Variants in GADL1 observed in about 807,000 individuals in gnomAD.
The protein encoded by GADL1 is acidic amino acid decarboxylase GADL1.
Under a neutral mutation model 69.5 loss-of-function variants are expected in GADL1, and 71 were observed. The observed-to-expected ratio is 1.02, with a 90% CI of 0.84 to 1.25. GADL1 has a LOEUF of 1.25. Ranked by LOEUF, GADL1 falls within the 50% of genes most tolerant of loss-of-function variation. The pLI is 0.00. For synonymous variants in GADL1, 254 were observed against 214.4 expected (o/e 1.18, Z -1.62); for missense variants, 737 against 631.8 (o/e 1.17, Z -1.79).
At chr3:30,884,222 T>C (rs893633516) in intron 1 of GADL1, among the ~76,000 whole-genome samples, 1 of 152,002 alleles carries the variant, frequency 6.6e-6, no homozygotes, top group African/African-American at 2.4e-5. Context: ...AGTAGAATAT[T>C]TGAACCGCAT....
At chr3:30,802,650 TTAATG>T (rs1697186580) in intron 11 of GADL1, among the ~76,000 whole-genome samples, 1 of 152,232 alleles carries the variant, frequency 6.6e-6, no homozygotes, top group African/African-American at 2.4e-5. Flanking sequence ...GTTTGCTGAC[TTAATG>T]TAAGCAACAT....
At chr3:30,836,518 A>G (rs984289618) in intron 9 of GADL1, among the ~76,000 whole-genome samples, 1 of 152,056 alleles carries the variant, frequency 6.6e-6, no homozygotes, top group African/African-American at 2.4e-5. Flanking sequence ...TTGGCTTTCC[A>G]TCTCAATAAA....
intron 12 of GADL1, among the ~76,000 whole-genome samples, chr3:30,794,943 A>T (rs183145157): frequency 4.9e-4 from 74 of 152,300 alleles, no homozygotes; most frequent in Admixed American, 9.8e-4. Context: ...TTCCTGTATC[A>T]TTATCAAAGG....
intron 14 of GADL1, among the ~76,000 whole-genome samples, chr3:30,749,780 G>C (rs1370867854): frequency 6.6e-6 from 1 of 152,142 alleles, no homozygotes; most frequent in Non-Finnish European, 1.5e-5. Context: ...CAGCTGACAC[G>C]AGCTCCCGAG....
chr3:30,842,812 TTGGAA>T (rs1697989389), intron 8 of GADL1, among the ~76,000 whole-genome samples: 2 of 115,768 alleles, frequency 1.7e-5, no homozygotes, highest in African/African-American at 6.3e-5. Context: ...TCACTTGTCA[TTGGAA>T]TGTTTAAAAA....
intron 12 of GADL1, among the ~76,000 whole-genome samples, chr3:30,792,610 C>T (rs1575207663): frequency 6.6e-6 from 1 of 152,166 alleles, no homozygotes; most frequent in Non-Finnish European, 1.5e-5. Flanking sequence ...TTCATAAGGC[C>T]ATTTGTCAAG....
intron 11 of GADL1, among the ~76,000 whole-genome samples, chr3:30,805,957 C>T (rs1031347393): frequency 6.6e-6 from 1 of 151,966 alleles, no homozygotes; most frequent in African/African-American, 2.4e-5. Flanking sequence ...CAAGACTGAT[C>T]TTGCGGGAGG....
chr3:30,770,045 G>T (rs771128694), intron 14 of GADL1, among the ~76,000 whole-genome samples: 1 of 116,672 alleles, frequency 8.6e-6, no homozygotes, highest in African/African-American at 3.7e-5. Context: ...AATAAGACCC[G>T]GCAACCCTGG....
intron 1 of GADL1, among the ~76,000 whole-genome samples, chr3:30,866,146 A>T (rs11129426): frequency 0.16 from 23,814 of 150,516 alleles, 2,458 homozygotes; most frequent in East Asian, 0.51. Flanking sequence ...AGTAGTAAAT[A>T]ACAACAATAT....
chr3:30,863,786 A>G (rs1438054988), intron 1 of GADL1, among the ~76,000 whole-genome samples: 1 of 147,298 alleles, frequency 6.8e-6, no homozygotes, highest in African/African-American at 2.5e-5. Flanking sequence ...ATTAACATTT[A>G]TCATTTCTTA....
chr3:30,884,044 C>T (rs996194062), intron 1 of GADL1, among the ~76,000 whole-genome samples: 1 of 151,838 alleles, frequency 6.6e-6, no homozygotes, highest in Non-Finnish European at 1.5e-5. Context: ...CAAATGCTTC[C>T]ACGTCTTAGT....
chr3:30,876,245 C>CT (rs1444107996), intron 1 of GADL1, among the ~76,000 whole-genome samples: 1 of 152,016 alleles, frequency 6.6e-6, no homozygotes, highest in African/African-American at 2.4e-5. Context: ...GGCTACACAG[C>CT]TAGAAGGTAT....
intron 1 of GADL1, among the ~76,000 whole-genome samples, chr3:30,874,856 A>G (rs908268781): frequency 2.0e-5 from 3 of 151,916 alleles, no homozygotes; most frequent in African/African-American, 7.2e-5. Flanking sequence ...TCAGCTGTCT[A>G]TAGTTGTACC....
rs375205087 is a variant in GADL1, at chr3:30,870,712, G to A, written c.38-8947C>T. ...AACTTTGGTCTGGATGGTGGCAGACGAGATGGAGCAAAGTGCTGCAACTTG... is the reference window on the plus strand; with the variant it reads ...AACTTTGGTCTGGATGGTGGCAGACAAGATGGAGCAAAGTGCTGCAACTTG... On this transcript the variant is annotated intron_variant, in intron 1 of 14. Coordinates refer to ENST00000282538, the MANE Select transcript of GADL1 (RefSeq NM_207359.3). Among the ~76,000 whole-genome samples, 195 of 151,788 alleles carry A rather than the reference G, an allele frequency of 1.3e-3. 2 individuals carry two copies. The highest frequency in any genetic ancestry group is 4.6e-3 in the African/African-American group (188 of 41,314).
chr3:30,894,379 T>C (rs1027512208), intron 1 of GADL1, among the ~76,000 whole-genome samples, 199 bp downstream of exon 1: 1 of 152,228 alleles, frequency 6.6e-6, no homozygotes, highest in Non-Finnish European at 1.5e-5. Context: ...TTTATAAAAG[T>C]TAACTCATTT....
At chr3:30,778,459 A>G (rs535153566) in intron 13 of GADL1, among the ~76,000 whole-genome samples, 191 bp from the exon 14 acceptor site, 45 of 152,280 alleles carry the variant, frequency 3.0e-4, no homozygotes, top group African/African-American at 1.0e-3. Context: ...TCTACTCCAT[A>G]GCGTGCACCT....
At chr3:30,756,596 AC>A (rs1695976536) in intron 14 of GADL1, among the ~76,000 whole-genome samples, 1 of 152,172 alleles carries the variant, frequency 6.6e-6, no homozygotes, top group Admixed American at 6.5e-5. Context: ...CTAAATTCTG[AC>A]CCAAGGCCTC....
chr3:30,786,224 A>G (rs928515135), intron 13 of GADL1, 131 bp downstream of exon 13: 2 of 677,640 alleles, frequency 3.0e-6, no homozygotes, highest in Non-Finnish European at 2.7e-6. Flanking sequence ...ATAATAGACT[A>G]TGAATTAAGC....
chr3:30,836,885 G>A (rs1697884129), intron 9 of GADL1, among the ~76,000 whole-genome samples: 1 of 152,062 alleles, frequency 6.6e-6, no homozygotes, highest in Non-Finnish European at 1.5e-5. Context: ...AACAGTACTG[G>A]AGTGAAAGAG....
Sources: gnomAD v4.1 joint callset for allele counts (sites outside exome capture counted in the v4.1 genomes callset) on GRCh38, gnomAD v4.1.1 for gene constraint, MANE v1.5 for transcripts, NCBI Gene and HGNC (gene_info 2026-07-23, HGNC 2026-07-21) for gene names.